The following ADD2 variants were observed in gnomAD, a reference collection of about 807,000 sequenced individuals.
ADD2 encodes adducin 2.
ADD2 carries 23 observed loss-of-function variants against 83.0 expected under a neutral mutation model. The ratio of observed to expected loss-of-function variants is 0.28; its 90% CI spans 0.20 to 0.39. The LOEUF is 0.39. Ranked by LOEUF, ADD2 falls within the 10% of genes least tolerant of loss-of-function variation. ADD2 has a pLI of 1.00. For synonymous variants in ADD2, 375 were observed against 375.4 expected, an observed-to-expected ratio of 1.00 and a Z score of 0.01; for missense variants, 758 against 944.9, an observed-to-expected ratio of 0.80 and a Z score of 2.59.
intron 1 of ADD2, among the ~76,000 whole-genome samples, chr2:70,728,904 C>T (rs577021976): frequency 1.3e-5 from 2 of 152,326 alleles, no homozygotes; most frequent in South Asian, 2.1e-4. Flanking sequence ...TTTGGTGGTG[C>T]GGGAGTAGGG....
intron 1 of ADD2, among the ~76,000 whole-genome samples, chr2:70,726,259 G>T (rs1040880997): frequency 2.7e-4 from 40 of 150,398 alleles, no homozygotes; most frequent in African/African-American, 9.5e-4. Flanking sequence ...GAAACCACTG[G>T]AAACAAAGGG....
At chr2:70,757,834 TA>T (rs1307741677) in intron 1 of ADD2, among the ~76,000 whole-genome samples, 1 of 152,240 alleles carries the variant, frequency 6.6e-6, no homozygotes, top group Non-Finnish European at 1.5e-5. Context: ...CATCCATTGT[TA>T]AATGAAATTG....
Position 70,696,316 on chromosome 2 carries a change from A to C in ADD2, c.403T>G (p.Cys135Gly). ...NLAKGERLMR[C>G]KISSVYRLLD... ...AGTCGGTAGACACTGCTGATCTTGC[A>C]CCGCATGAGCCGCTCCCCTTTGGCC... Residue 135 changes from cysteine (C) to glycine (G), a missense_variant, in exon 5 of 16, where the codon TGC becomes GGC. Transcript: ENST00000264436. 1 of 1,613,954 alleles carries C rather than the reference A, an allele frequency of 6.2e-7. No individual in the cohort carries two copies. Among genetic ancestry groups the C allele is most frequent in the Non-Finnish European group, 8.5e-7 (1 of 1,179,976 alleles).
intron 5 of ADD2, 62 bp from the exon 6 acceptor site, chr2:70,695,863 G>T: frequency 7.0e-7 from 1 of 1,427,158 alleles, no homozygotes; most frequent in Non-Finnish European, 9.7e-7. Flanking sequence ...CAAGGACACT[G>T]TGCTTGAATC....
Position 70,695,731 on chromosome 2 carries a change from G to A in ADD2, c.545C>T (p.Ala182Val). The A allele has an allele frequency of 6.2e-7, 1 of 1,614,024 alleles. No homozygotes were observed. Residue 182 changes from alanine (A) to valine (V), a missense_variant, in exon 6 of 16, where the codon GCG (alanine) becomes GTG (valine). Ala to Val is a moderately conservative substitution (Grantham distance 64, BLOSUM62 0). Around this residue, in one of 5 missense-constraint regions of ADD2, gnomAD observed 394 missense variants for 509.3 expected, o/e 0.77. Coordinates refer to ENST00000264436, the MANE Select transcript of ADD2 (RefSeq NM_001617.4). Reference protein sequence around the residue: ...PKGVSCSEVTASSLIKVNILG... With the variant: ...PKGVSCSEVTVSSLIKVNILG... ...CTGGACTGTACTCACCAGGCTGGAC[G>A]CTGTGACTTCACTGCAAGAAACTCC...
At chr2:70,761,620 A>G (rs1487760435) in intron 1 of ADD2, among the ~76,000 whole-genome samples, 1 of 149,886 alleles carries the variant, frequency 6.7e-6, no homozygotes, top group Non-Finnish European at 1.5e-5. Flanking sequence ...GGAAGGAAGG[A>G]AGGAATTAAA....
chr2:70,704,263 T>TTGC, intron 4 of ADD2, 58 bp downstream of exon 4: 90 of 913,218 alleles, frequency 9.9e-5, no homozygotes, highest in Middle Eastern at 2.9e-4. Context: ...CTCCCTCTCT[T>TTGC]CCCCACCCCA....
intron 8 of ADD2, among the ~76,000 whole-genome samples, chr2:70,690,336 C>A (rs13402147): frequency 0.37 from 55,780 of 151,970 alleles, 11,220 homozygotes; most frequent in African/African-American, 0.54. Flanking sequence ...GGCTCAAGTG[C>A]TCCACCCACC....
chr2:70,704,484 T>C, intron 3 of ADD2, 25 bp from the exon 4 acceptor site: 1 of 1,612,518 alleles, frequency 6.2e-7, no homozygotes, highest in Non-Finnish European at 8.5e-7. Context: ...GAGGTGCTTG[T>C]CCCCCCACAG....
chr2:70,681,867 G>A (rs1670468035), intron 10 of ADD2, among the ~76,000 whole-genome samples: 3 of 152,038 alleles, frequency 2.0e-5, no homozygotes. Flanking sequence ...ATAGGTACAT[G>A]CCACCATGCC....
chr2:70,665,884 C>T (rs1334166474), intron 15 of ADD2, among the ~76,000 whole-genome samples: 2 of 150,630 alleles, frequency 1.3e-5, no homozygotes, highest in Non-Finnish European at 1.5e-5. Flanking sequence ...GGTGGAATCT[C>T]GGCTCACTGC....
chr2:70,746,515 T>C (rs1574316881), intron 1 of ADD2, among the ~76,000 whole-genome samples: 1 of 151,852 alleles, frequency 6.6e-6, no homozygotes, highest in East Asian at 1.9e-4. Context: ...ACCACCAAGA[T>C]GAGGAAACAG....
At chr2:70,711,671 C>A (rs1185039986) in intron 2 of ADD2, among the ~76,000 whole-genome samples, 1 of 152,152 alleles carries the variant, frequency 6.6e-6, no homozygotes, top group Non-Finnish European at 1.5e-5. Context: ...GGCCTGGATT[C>A]CACAGGAGAG....
intron 1 of ADD2, among the ~76,000 whole-genome samples, chr2:70,762,512 G>C (rs1193998825): frequency 6.6e-6 from 1 of 151,260 alleles, no homozygotes; most frequent in African/African-American, 2.4e-5. Context: ...CATCAGTCCT[G>C]GGCAATCAGG....
intron 6 of ADD2, among the ~76,000 whole-genome samples, chr2:70,695,093 C>T (rs140677992): frequency 8.1e-5 from 11 of 136,082 alleles, no homozygotes; most frequent in South Asian, 2.4e-4. Flanking sequence ...TGAGTAGCCG[C>T]GCTCTACACC....
intron 1 of ADD2, among the ~76,000 whole-genome samples, chr2:70,728,053 G>A (rs986962047): frequency 1.3e-5 from 2 of 152,158 alleles, no homozygotes; most frequent in Non-Finnish European, 2.9e-5. Context: ...GAGGTTCAAG[G>A]GCAACGGCAA....
intron 7 of ADD2, among the ~76,000 whole-genome samples, chr2:70,691,301 G>A (rs1012635460): frequency 6.6e-6 from 1 of 152,200 alleles, no homozygotes; most frequent in African/African-American, 2.4e-5. Context: ...GAGTTTGTAC[G>A]AGGCTAGGGT....
In ADD2 at chr2:70,676,457, C is replaced by T. The variant is rs1454958422; in HGVS notation, c.1593+339G>A. ...CACACCTGGGGCACCTGGGAGTCTCCAGCCCCAAGCCTATGAGTCCCCACT... is the reference window on the plus strand; with the variant it reads ...CACACCTGGGGCACCTGGGAGTCTCTAGCCCCAAGCCTATGAGTCCCCACT... On this transcript the variant is annotated intron_variant, in intron 13 of 15. Coordinates refer to ENST00000264436, the MANE Select transcript of ADD2 (RefSeq NM_001617.4). This position sits in a 1 kb window ranked among gnomAD's most constrained non-coding sequence, Gnocchi z 4.8. The T allele has an allele frequency of 3.9e-6, 5 of 1,266,998 alleles. No individual in the cohort carries two copies. In the Admixed American group the frequency reaches 1.4e-4, roughly 37 times the overall value. The allele number at this position is 1,266,998 out of a possible 1,614,324, so 78.5% of individuals were successfully genotyped here.
intron 9 of ADD2, among the ~76,000 whole-genome samples, chr2:70,685,415 A>T (rs1274555739): frequency 5.9e-5 from 9 of 152,160 alleles, no homozygotes; most frequent in Admixed American, 1.3e-4. Flanking sequence ...CTTCTCGTCC[A>T]AGCCATGTGT....
Sources: gnomAD v4.1 joint callset for allele counts (sites outside exome capture counted in the v4.1 genomes callset) on GRCh38, gnomAD v4.1.1 for gene constraint, gnomAD v4.1.1 regional missense constraint, Gnocchi (gnomAD v3.1) non-coding constraint, MANE v1.5 for transcripts, NCBI Gene and HGNC (gene_info 2026-07-23, HGNC 2026-07-21) for gene names.